The following EPHA6 variants were observed in gnomAD, a reference collection of about 807,000 sequenced individuals.
EPHA6 encodes ephrin type-A receptor 6.
EPHA6 carries 50 observed loss-of-function variants against 112.0 expected under a neutral mutation model. The observed-to-expected ratio is 0.45, with a 90% CI of 0.36 to 0.56. The LOEUF (loss-of-function observed/expected upper bound fraction) is 0.56, where lower values mean the gene tolerates loss of function less well. Among genes scored for constraint, EPHA6 ranks in the 20% least tolerant of loss-of-function variants. The probability of loss-of-function intolerance (pLI) is 0.00; values close to 1 mark genes in which losing one functional copy is unlikely to be tolerated. For synonymous variants in EPHA6, 529 were observed against 490.7 expected (o/e 1.08, Z -1.03); for missense variants, 1,280 against 1,417.4 (o/e 0.90, Z 1.56).
chr3:97,717,131 T>C (rs2034278359), intron 14 of EPHA6, among the ~76,000 whole-genome samples: 1 of 150,050 alleles, frequency 6.7e-6, no homozygotes. Flanking sequence ...CTCGGGAGGC[T>C]GAGGCAGGAG....
rs577764941 is a variant in EPHA6, at chr3:97,236,707, G to C, written c.1271-7245G>C. On this transcript the variant is annotated intron_variant, in intron 4 of 17. Coordinates refer to ENST00000389672, the MANE Select transcript of EPHA6 (RefSeq NM_001080448.3). The stretch of plus-strand genomic sequence containing the variant: ...TTTGATATACAGTGACAGTGATTGG[G>C]AAGAAAGCATAAAACTTGAATTTAC... 2.6e-5 allele frequency among the ~76,000 whole-genome samples: 4 copies of C among 152,180 alleles called. No individual in the cohort carries two copies. In the South Asian group the frequency reaches 6.2e-4, roughly 24 times the overall value.
At chr3:97,385,396 T>A (rs1473113466) in intron 5 of EPHA6, among the ~76,000 whole-genome samples, 1 of 152,132 alleles carries the variant, frequency 6.6e-6, no homozygotes, top group African/African-American at 2.4e-5. Flanking sequence ...TATTTAAATA[T>A]ATACTCTTAT....
intron 3 of EPHA6, chr3:97,010,236 A>G: frequency 2.0e-6 from 1 of 488,228 alleles, no homozygotes; most frequent in Non-Finnish European, 3.3e-6. Flanking sequence ...ATTATTTGTA[A>G]TATCATGTAA....
intron 6 of EPHA6, among the ~76,000 whole-genome samples, chr3:97,414,370 A>T (rs2107147404): frequency 6.6e-6 from 1 of 152,196 alleles, no homozygotes; most frequent in East Asian, 1.9e-4. Flanking sequence ...CTCTTTAGAA[A>T]GGAATTTCTT....
At chr3:97,253,232 A>G (rs905748188) in intron 5 of EPHA6, among the ~76,000 whole-genome samples, 5 of 152,222 alleles carry the variant, frequency 3.3e-5, no homozygotes, top group Non-Finnish European at 7.3e-5. Context: ...CAGTGATATG[A>G]CAGGCGGTGA....
At chr3:97,241,065 A>C (rs2078831665) in intron 4 of EPHA6, among the ~76,000 whole-genome samples, 1 of 151,642 alleles carries the variant, frequency 6.6e-6, no homozygotes. Context: ...GGTAAGGGAG[A>C]GTCTACCTTG....
chr3:97,366,842 A>T (rs1484183915), intron 5 of EPHA6, among the ~76,000 whole-genome samples: 1 of 152,172 alleles, frequency 6.6e-6, no homozygotes, highest in Non-Finnish European at 1.5e-5. Context: ...CATACCCTTA[A>T]ATTCCTTTAT....
intron 3 of EPHA6, among the ~76,000 whole-genome samples, chr3:97,115,847 T>C (rs1044331583): frequency 3.3e-5 from 5 of 151,846 alleles, no homozygotes; most frequent in African/African-American, 1.2e-4. Flanking sequence ...ATAACATATA[T>C]GATACGTTAT....
intron 4 of EPHA6, 77 bp downstream of exon 4, chr3:97,226,496 G>A: frequency 7.4e-7 from 1 of 1,343,252 alleles, no homozygotes; most frequent in Non-Finnish European, 1.0e-6. Flanking sequence ...TAAAAAATAA[G>A]TAAATGTACA....
intron 5 of EPHA6, among the ~76,000 whole-genome samples, chr3:97,285,660 C>A (rs77935917): frequency 0.011 from 1,714 of 151,792 alleles, 16 homozygotes; most frequent in South Asian, 0.025. Context: ...TTTGCTATTG[C>A]AAATCGTGCT....
intron 2 of EPHA6, among the ~76,000 whole-genome samples, chr3:96,921,312 A>G (rs1212510180): frequency 6.6e-6 from 1 of 152,102 alleles, no homozygotes; most frequent in Admixed American, 6.5e-5. Flanking sequence ...ATTTTTAATT[A>G]TGATATTAAT....
intron 5 of EPHA6, among the ~76,000 whole-genome samples, chr3:97,281,236 T>C (rs918493823): frequency 6.6e-6 from 1 of 150,964 alleles, no homozygotes; most frequent in Non-Finnish European, 1.5e-5. Context: ...TGTGCGCGCG[T>C]GTGTGCATGA....
intron 14 of EPHA6, among the ~76,000 whole-genome samples, chr3:97,691,586 A>G (rs1439716304): frequency 6.6e-6 from 1 of 152,186 alleles, no homozygotes; most frequent in Non-Finnish European, 1.5e-5. Flanking sequence ...ATAAATATAC[A>G]TGTATTTGCA....
intron 3 of EPHA6, among the ~76,000 whole-genome samples, chr3:97,136,755 A>G (rs2075779546): frequency 6.6e-6 from 1 of 152,174 alleles, no homozygotes; most frequent in Non-Finnish European, 1.5e-5. Flanking sequence ...TTAAAGTGCT[A>G]AGAGAAAATA....
chr3:97,415,401 A>C (rs1329712369), intron 6 of EPHA6, among the ~76,000 whole-genome samples: 1 of 152,048 alleles, frequency 6.6e-6, no homozygotes, highest in Non-Finnish European at 1.5e-5. Context: ...TTCATTGGAC[A>C]CCTTGAAGCT....
In EPHA6 at chr3:96,814,898, G is replaced by A. The variant is rs747749547; in HGVS notation, c.275G>A (p.Arg92Lys). 1.3e-6 allele frequency: 2 copies of A among 1,553,692 alleles called. No individual in the cohort carries two copies. Among genetic ancestry groups the A allele is most frequent in the Non-Finnish European group, 1.7e-6 (2 of 1,148,000 alleles). ...FSLRERKREPRRTMGGCEVRE... is the reference protein window; with the variant it reads ...FSLRERKREPKRTMGGCEVRE... The stretch of plus-strand genomic sequence containing the variant: ...TTAAGGGAGAGGAAAAGAGAGCCTA[G>A]GAGAACCATGGGGGGCTGCGAAGTC... Residue 92 changes from arginine to lysine, a missense_variant, in exon 1 of 18, where the codon AGG (arginine) becomes AAG (lysine). Coordinates refer to ENST00000389672, the MANE Select transcript of EPHA6 (RefSeq NM_001080448.3).
At chr3:97,669,565 C>CAG in intron 14 of EPHA6, among the ~76,000 whole-genome samples, 1 of 150,526 alleles carries the variant, frequency 6.6e-6, no homozygotes. Context: ...AGTTCAGGTC[C>CAG]AGCCTGGGCA....
intron 3 of EPHA6, among the ~76,000 whole-genome samples, chr3:97,088,152 G>A (rs1004340857): frequency 1.3e-5 from 2 of 152,072 alleles, no homozygotes; most frequent in African/African-American, 4.8e-5. Context: ...CTACACTCCA[G>A]CCTGGTGACA....
intron 5 of EPHA6, among the ~76,000 whole-genome samples, chr3:97,265,874 G>A (rs904590563): frequency 2.0e-5 from 3 of 152,228 alleles, no homozygotes; most frequent in African/African-American, 7.2e-5. Flanking sequence ...ATACGTAAAT[G>A]AGTAAGCATG....
Sources: allele counts gnomAD v4.1 joint callset (sites outside exome capture counted in the v4.1 genomes callset), GRCh38; gene constraint gnomAD v4.1.1; transcripts MANE v1.5; gene names NCBI Gene and HGNC (gene_info 2026-07-23, HGNC 2026-07-21).